The following HLA-DRB5 variants were observed in gnomAD, a reference collection of about 807,000 sequenced individuals.
The protein encoded by HLA-DRB5 is major histocompatibility complex, class II, DR beta 5, also known as DR beta-5.
HLA-DRB5 carries 11 observed loss-of-function variants against 22.4 expected under a neutral mutation model. That is an observed-to-expected ratio of 0.49 (90% CI 0.31 to 0.81). HLA-DRB5 has a LOEUF of 0.81. HLA-DRB5 is among the 40% of genes least tolerant of loss of function. HLA-DRB5 has a pLI of 0.05. For missense variants in HLA-DRB5, 106 were observed against 274.4 expected (o/e 0.39, Z 4.34); for synonymous variants, 57 against 106.0 (o/e 0.54, Z 2.84).
chr6:32,525,741 A>G (rs113739809), intron 1 of HLA-DRB5, among the ~76,000 whole-genome samples: 13,896 of 133,030 alleles, frequency 0.1, 24 homozygotes, highest in Admixed American at 0.17. Context: ...CAGCAGGATC[A>G]TTATTGAAAT....
intron 1 of HLA-DRB5, among the ~76,000 whole-genome samples, chr6:32,527,956 G>A (rs114090066): frequency 5.1e-4 from 17 of 33,316 alleles, no homozygotes; most frequent in East Asian, 2.5e-3. Flanking sequence ...ATCAGAGCCT[G>A]ATATGAGGCT....
chr6:32,528,529 C>T (rs141659691), intron 1 of HLA-DRB5, among the ~76,000 whole-genome samples: 7 of 41,356 alleles, frequency 1.7e-4, no homozygotes, highest in East Asian at 1.3e-3. Flanking sequence ...TTTGATGTCA[C>T]ACTAGAATCC....
intron 2 of HLA-DRB5, among the ~76,000 whole-genome samples, chr6:32,521,470 T>G (rs116819869): frequency 8.6e-6 from 1 of 116,246 alleles, no homozygotes; most frequent in African/African-American, 3.2e-5. Flanking sequence ...GGCCTCCTCA[T>G]ATTATCACAA....
chr6:32,528,219 T>A, intron 1 of HLA-DRB5, among the ~76,000 whole-genome samples: 1 of 92,992 alleles, frequency 1.1e-5, no homozygotes, highest in Non-Finnish European at 2.2e-5. Flanking sequence ...TGAATCCATT[T>A]CTCTCTTTTC....
intron 2 of HLA-DRB5, among the ~76,000 whole-genome samples, chr6:32,520,650 A>G (rs115967267): frequency 0.28 from 19,481 of 68,826 alleles, 4,405 homozygotes; most frequent in Admixed American, 0.4. Context: ...GAAAATCCCT[A>G]ACACTAGCAG....
chr6:32,522,215 G>A lies in HLA-DRB5; in HGVS notation c.101-41C>T, dbSNP rs144901015. On this transcript the variant is annotated intron_variant, in intron 1 of 5. Coordinates refer to ENST00000374975, the MANE Select transcript of HLA-DRB5 (RefSeq NM_002125.4). ...GGATCCGGTCACAGGGGCGGCCTCC[G>A]GGGAAGATACTGACAGAGACGCCGC... is the stretch of plus-strand genomic sequence containing the variant. 8 of 594,644 alleles carry A rather than the reference G, an allele frequency of 1.3e-5. 3 individuals carry two copies. The highest frequency in any genetic ancestry group is 3.8e-5 in the African/African-American group (1 of 26,442). 36.8% of individuals were successfully genotyped at this position (594,644 alleles called of 1,614,324 possible).
In HLA-DRB5 at chr6:32,529,636, G is replaced by A. The variant is rs188586682; in HGVS notation, c.100+489C>T. ...AGAAAGAAAAGAAAGGAGGTAATGG[G>A]GAGGCCACTGGGTCCATTCTCACAT... On this transcript the variant is annotated intron_variant, in intron 1 of 5. Transcript: ENST00000374975. Among the ~76,000 whole-genome samples the A allele has an allele frequency of 2.5e-5, 3 of 121,444 alleles. 1 individual carries two copies. The East Asian group carries it at 7.2e-4, about 29-fold the overall frequency. 79.7% of individuals were successfully genotyped at this position (121,444 alleles called of 152,430 possible).
At position 32,517,918 on chromosome 6, in the gene HLA-DRB5, G is replaced by A. The variant is rs528530514; in HGVS notation, c.787+136C>T. On this transcript the variant is annotated intron_variant, in intron 5 of 5. Coordinates refer to ENST00000374975, the MANE Select transcript of HLA-DRB5 (RefSeq NM_002125.4). ...GAGCACAGGCCTAAGTGGAGAGGAGGAGTTTTGGTATAAATTGCCTGATCA... is the reference window on the plus strand; with the variant it reads ...GAGCACAGGCCTAAGTGGAGAGGAGAAGTTTTGGTATAAATTGCCTGATCA... 4.2e-3 allele frequency: 1,064 copies of A among 250,458 alleles called. 67 individuals carry two copies. The highest frequency in any genetic ancestry group is 0.02 in the African/African-American group (348 of 17,278). 15.5% of individuals were successfully genotyped at this position (250,458 alleles called of 1,614,324 possible).
chr6:32,526,251 C>T (rs1430614357), intron 1 of HLA-DRB5, among the ~76,000 whole-genome samples: 4 of 50,224 alleles, frequency 8.0e-5, no homozygotes, highest in Non-Finnish European at 1.2e-4. Context: ...CTTCACCCTC[C>T]TCTTAGTGGT....
At chr6:32,521,417 C>T (rs1581586024) in intron 2 of HLA-DRB5, among the ~76,000 whole-genome samples, 2 of 94,400 alleles carry the variant, frequency 2.1e-5, no homozygotes, top group East Asian at 6.4e-4. Flanking sequence ...ACTTTTATTT[C>T]AGAGACTGCG....
intron 1 of HLA-DRB5, among the ~76,000 whole-genome samples, chr6:32,529,166 A>C (rs34413716): frequency 0.74 from 90,678 of 123,060 alleles, 32,642 homozygotes; most frequent in Middle Eastern, 0.84. Flanking sequence ...CCAGGACTTG[A>C]TCATTAACTT....
At chr6:32,522,246 G>C (rs1383553525) in intron 1 of HLA-DRB5, 72 bp from the exon 2 acceptor site, 164 of 508,322 alleles carry the variant, frequency 3.2e-4, no homozygotes, top group Admixed American at 6.4e-4. Context: ...GCCGCCATCC[G>C]GGGCTCCCTG....
chr6:32,521,735 C>G (rs140720482), intron 2 of HLA-DRB5, among the ~76,000 whole-genome samples, 170 bp downstream of exon 2: 782 of 21,462 alleles, frequency 0.036, 351 homozygotes, highest in Middle Eastern at 0.15. Flanking sequence ...CCTCAGAAGT[C>G]CTTGCTCAAG....
Position 32,530,150 on chromosome 6 carries a change from T to G in HLA-DRB5, c.75A>C (p.Pro25=), listed in dbSNP as rs1280890694. 6.4e-7 allele frequency: 1 copy of G among 1,555,786 alleles called. No homozygotes were observed. Among genetic ancestry groups the G allele is most frequent in the Admixed American group, 1.7e-5 (1 of 59,210 alleles). The change falls in exon 1 of 6, where the codon CCA becomes CCC. Residue 25 remains proline, a synonymous_variant. Transcript: ENST00000374975. ...LTVTLMVLSS[P]LALAGDTRPR... ...GTCGGGTGTCCCCAGCCAAAGCCAG[T>G]GGGGAGCTCAGCACCATCAGTGTCA... is the stretch of plus-strand genomic sequence containing the variant.
intron 4 of HLA-DRB5, among the ~76,000 whole-genome samples, chr6:32,518,332 T>TTTTTTTTTGAGATGGAATG (rs1347990973): frequency 2.9e-5 from 1 of 33,924 alleles, no homozygotes; most frequent in African/African-American, 1.1e-4. Context: ...CAAAGGACCC[T>TTTTTTTTTGAGATGGAATG]TAACTAGTTA....
intron 1 of HLA-DRB5, among the ~76,000 whole-genome samples, chr6:32,524,000 TGC>T (rs879823252): frequency 0.11 from 6,421 of 60,254 alleles, 865 homozygotes; most frequent in Middle Eastern, 0.26. Flanking sequence ...AACCAAAAAT[TGC>T]TCAAACATTG....
intron 1 of HLA-DRB5, among the ~76,000 whole-genome samples, chr6:32,525,228 T>C (rs1230443888): frequency 0.089 from 2,856 of 32,140 alleles, 971 homozygotes; most frequent in Non-Finnish European, 0.097. Flanking sequence ...ATGACCTCTT[T>C]TAAATGGGTC....
At chr6:32,522,866 A>G (rs145540045) in intron 1 of HLA-DRB5, among the ~76,000 whole-genome samples, 1,088 of 30,280 alleles carry the variant, frequency 0.036, 190 homozygotes, top group Middle Eastern at 0.056. Context: ...GCAGGTGTGA[A>G]CCAGGGGGCG....
intron 1 of HLA-DRB5, among the ~76,000 whole-genome samples, chr6:32,525,453 T>C (rs1193288149): frequency 5.1e-4 from 41 of 79,948 alleles, no homozygotes; most frequent in East Asian, 1.9e-3. Context: ...ATTAGTATCT[T>C]CATCATGATT....
Sources: gnomAD v4.1 joint callset for allele counts (sites outside exome capture counted in the v4.1 genomes callset) on GRCh38, gnomAD v4.1.1 for gene constraint, MANE v1.5 for transcripts, NCBI Gene and HGNC (gene_info 2026-07-23, HGNC 2026-07-21) for gene names.